The following UBR3 variants were observed in gnomAD, a reference collection of about 807,000 sequenced individuals.
The protein encoded by UBR3 is ubiquitin protein ligase E3 component n-recognin 3.
UBR3 carries 85 observed loss-of-function variants against 243.2 expected under a neutral mutation model. That is an observed-to-expected ratio of 0.35 (90% CI 0.29 to 0.42). The LOEUF is 0.42. Ranked by LOEUF, UBR3 falls within the 10% of genes least tolerant of loss-of-function variation. The pLI is 1.00. For synonymous variants in UBR3, 748 were observed against 799.8 expected, an observed-to-expected ratio of 0.94 and a Z score of 1.09; for missense variants, 1,686 against 2,300.8, an observed-to-expected ratio of 0.73 and a Z score of 5.47.
chr2:169,903,847 C>T (rs2084918380), intron 8 of UBR3, among the ~76,000 whole-genome samples: 1 of 151,998 alleles, frequency 6.6e-6, no homozygotes, highest in South Asian at 2.1e-4. Context: ...ATAGTGAGAC[C>T]CCCATCTTTG....
chr2:169,923,054 ATTTG>A (rs1229047478), intron 11 of UBR3, among the ~76,000 whole-genome samples: 1 of 152,194 alleles, frequency 6.6e-6, no homozygotes, highest in Non-Finnish European at 1.5e-5. Context: ...TTCTTAACTC[ATTTG>A]TTTAAGAAGG....
intron 1 of UBR3, among the ~76,000 whole-genome samples, chr2:169,871,789 C>T (rs1010915654): frequency 1.0e-4 from 15 of 145,316 alleles, no homozygotes; most frequent in Non-Finnish European, 2.3e-4. Flanking sequence ...AATGTATACA[C>T]TTCAGTGTAT....
At chr2:169,842,519 C>T (rs1412143992) in intron 1 of UBR3, among the ~76,000 whole-genome samples, 7 of 152,230 alleles carry the variant, frequency 4.6e-5, no homozygotes, top group Admixed American at 2.0e-4. Context: ...TGCTACTGCT[C>T]ACTCTTTGGG....
intron 23 of UBR3, 53 bp from the exon 24 acceptor site, chr2:169,958,385 A>G: frequency 6.6e-7 from 1 of 1,504,624 alleles, no homozygotes; most frequent in South Asian, 1.2e-5. Context: ...GAAATATAGT[A>G]GCTAGGTCTT....
intron 8 of UBR3, among the ~76,000 whole-genome samples, chr2:169,898,888 A>T (rs1209938988): frequency 6.6e-6 from 1 of 151,180 alleles, no homozygotes; most frequent in Non-Finnish European, 1.5e-5. Context: ...TTTTTAGTAG[A>T]GACGGGGTTT....
chr2:170,071,190 G>A (rs375173203), intron 35 of UBR3, among the ~76,000 whole-genome samples: 7 of 152,140 alleles, frequency 4.6e-5, no homozygotes, highest in African/African-American at 1.7e-4. Context: ...TTAAGCATAT[G>A]CTTACTATAC....
intron 35 of UBR3, among the ~76,000 whole-genome samples, chr2:170,065,860 T>A (rs754396631): frequency 6.6e-6 from 1 of 152,144 alleles, no homozygotes; most frequent in Admixed American, 6.5e-5. Context: ...ATTTTAAGTC[T>A]TTATTTCTCT....
chr2:169,940,578 T>C (rs182837322), intron 19 of UBR3, among the ~76,000 whole-genome samples: 61 of 152,368 alleles, frequency 4.0e-4, no homozygotes, highest in Admixed American at 2.9e-3. Flanking sequence ...TCACTACTTG[T>C]TGCATGTTGC....
At chr2:169,930,381 GT>G (rs575190231) in intron 18 of UBR3, among the ~76,000 whole-genome samples, 23 of 146,132 alleles carry the variant, frequency 1.6e-4, no homozygotes, top group African/African-American at 4.0e-4. Context: ...GAAATTAGTT[GT>G]TTTTTTTTTT....
At chr2:169,879,087 G>A (rs2083724202) in intron 5 of UBR3, among the ~76,000 whole-genome samples, 1 of 151,416 alleles carries the variant, frequency 6.6e-6, no homozygotes, top group Admixed American at 6.6e-5. Context: ...AATTTTTATA[G>A]TGTTTATTAA....
chr2:169,973,979 G>T (rs1018541367), intron 24 of UBR3, among the ~76,000 whole-genome samples: 1 of 152,096 alleles, frequency 6.6e-6, no homozygotes, highest in Non-Finnish European at 1.5e-5. Context: ...TCATTGTGTT[G>T]CTGTGATGTA....
intron 5 of UBR3, among the ~76,000 whole-genome samples, chr2:169,881,530 G>T (rs1364039791): frequency 6.7e-6 from 1 of 150,176 alleles, no homozygotes; most frequent in East Asian, 2.0e-4. Flanking sequence ...TTTCCAAAGG[G>T]ATAAAAATAG....
At chr2:169,913,156 C>T (rs1014787970) in intron 10 of UBR3, among the ~76,000 whole-genome samples, 5 of 152,176 alleles carry the variant, frequency 3.3e-5, no homozygotes, top group Admixed American at 2.6e-4. Flanking sequence ...AATTTCTCTA[C>T]ATCCTTCCTA....
rs562258292 is a variant in UBR3, at chr2:169,962,258, T to A, written c.3634+3732T>A. ...TTTTTTTCTTAAAAATTTTTTTTTTTAATTAAAGAGACAAGGTACTTTCTG... is the reference window on the plus strand; with the variant it reads ...TTTTTTTCTTAAAAATTTTTTTTTTAAATTAAAGAGACAAGGTACTTTCTG... On this transcript the variant is annotated intron_variant, in intron 24 of 38. Transcript: ENST00000272793. Among the ~76,000 whole-genome samples, 20 of 152,192 alleles carry A rather than the reference T, an allele frequency of 1.3e-4. No homozygotes were observed. The South Asian group carries it at 2.1e-3, about 16-fold the overall frequency.
At chr2:169,859,212 C>T (rs1653705275) in intron 1 of UBR3, among the ~76,000 whole-genome samples, 1 of 151,410 alleles carries the variant, frequency 6.6e-6, no homozygotes, top group South Asian at 2.1e-4. Flanking sequence ...GCTGGGACCA[C>T]AGGCACCCAC....
intron 1 of UBR3, among the ~76,000 whole-genome samples, chr2:169,868,647 G>GTGT (rs141774039): frequency 0.044 from 6,628 of 152,296 alleles, 166 homozygotes; most frequent in Middle Eastern, 0.068. Flanking sequence ...GATAATCACA[G>GTGT]TGTTGTTGTC....
At chr2:170,074,234 G>A (rs961507150) in intron 36 of UBR3, among the ~76,000 whole-genome samples, 1 of 152,072 alleles carries the variant, frequency 6.6e-6, no homozygotes, top group Non-Finnish European at 1.5e-5. Flanking sequence ...TTTAGGTGGT[G>A]AAAAAAATCT....
At chr2:169,893,216 C>T (rs2084442316) in intron 6 of UBR3, among the ~76,000 whole-genome samples, 1 of 152,192 alleles carries the variant, frequency 6.6e-6, no homozygotes, top group African/African-American at 2.4e-5. Flanking sequence ...TTGAATTCTA[C>T]ATAACTGCAA....
chr2:169,971,963 T>C (rs373021699), intron 24 of UBR3, among the ~76,000 whole-genome samples: 11 of 151,872 alleles, frequency 7.2e-5, no homozygotes, highest in Admixed American at 3.3e-4. Flanking sequence ...TTCAAAAAAT[T>C]AATGAATCCA....
Sources: allele counts gnomAD v4.1 joint callset (sites outside exome capture counted in the v4.1 genomes callset), GRCh38; gene constraint gnomAD v4.1.1; transcripts MANE v1.5; gene names NCBI Gene and HGNC (gene_info 2026-07-23, HGNC 2026-07-21).